WDR62: variants seen among roughly 807,000 people sequenced by gnomAD.
WDR62 encodes WD repeat domain 62.
WDR62 carries 112 observed loss-of-function variants against 160.6 expected under a neutral mutation model. The observed-to-expected ratio is 0.70, with a 90% CI of 0.60 to 0.82. The LOEUF is 0.82. Among genes scored for constraint, WDR62 ranks in the 40% least tolerant of loss-of-function variants. The pLI is 0.00. For missense variants in WDR62, 1,819 were observed against 1,983.8 expected (o/e 0.92, Z 1.58); for synonymous variants, 792 against 815.1 (o/e 0.97, Z 0.48).
Position 36,104,773 on chromosome 19 carries a change from CT to C in WDR62, c.4318del (p.Ser1440ProfsTer97). On this transcript the variant is annotated frameshift_variant, in exon 32 of 32. Coordinates refer to ENST00000401500, the MANE Select transcript of WDR62 (RefSeq NM_001083961.2). LOFTEE classifies it low-confidence loss of function (END_TRUNC). ...EALDLYRVLV[S>X]SGQVDTGQQQ... ...AAGGCTGGCATCCCTTGCAGTTGGT[CT>C]CCAGTGGCCAGGTGGACACCGGGCA... 6.2e-7 allele frequency: 1 copy of C among 1,613,730 alleles called. No individual in the cohort carries two copies. Among genetic ancestry groups the C allele is most frequent in the Non-Finnish European group, 8.5e-7 (1 of 1,180,032 alleles).
At chr19:36,069,194 C>T (rs1446323076) in intron 7 of WDR62, among the ~76,000 whole-genome samples, 3 of 146,014 alleles carry the variant, frequency 2.1e-5, no homozygotes, top group Admixed American at 6.6e-5. Flanking sequence ...CCCTCCGGGA[C>T]GGGGCGGCTG....
downstream of WDR62, among the ~76,000 whole-genome samples, chr19:36,109,276 G>A (rs1973764038): frequency 6.6e-6 from 1 of 152,156 alleles, no homozygotes; most frequent in East Asian, 1.9e-4. Flanking sequence ...CCGTAGCCTG[G>A]ATCAGGAGCC....
Position 36,103,797 on chromosome 19 carries a change from A to C in WDR62, c.3969A>C (p.Ala1323=). 3.7e-6 allele frequency: 6 copies of C among 1,609,362 alleles called. No individual in the cohort carries two copies. Among genetic ancestry groups the C allele is most frequent in the Non-Finnish European group, 5.1e-6 (6 of 1,179,536 alleles). The stretch of plus-strand genomic sequence containing the variant: ...CCCAGCCTGGCGTCACCGTCCCTGC[A>C]GTGAGCTTCCCAGCCCCTAGCCCTG... ...VDTQPGVTVP[A]VSFPAPSPVE... Residue 1323 remains alanine (A), a synonymous_variant, in exon 30 of 32, where the codon GCA becomes GCC. Transcript: ENST00000401500.
chr19:36,068,372 T>A (rs898949360), intron 7 of WDR62, among the ~76,000 whole-genome samples: 3 of 152,346 alleles, frequency 2.0e-5, no homozygotes, highest in African/African-American at 4.8e-5. Flanking sequence ...TAATTTATTT[T>A]TTTTTATTGA....
At chr19:36,076,557 CAA>C (rs889230931) in intron 9 of WDR62, among the ~76,000 whole-genome samples, 36 of 108,194 alleles carry the variant, frequency 3.3e-4, no homozygotes, top group Admixed American at 4.0e-4. Flanking sequence ...GATCCTATCT[CAA>C]AAAAAAAAAA....
At chr19:36,067,494 G>C (rs773043756) in intron 6 of WDR62, 51 bp downstream of exon 6, 1 of 1,612,142 alleles carries the variant, frequency 6.2e-7, no homozygotes, top group Non-Finnish European at 8.5e-7. Context: ...AGTCACCATC[G>C]GTGGCAGCAT....
rs765001215 is a variant in WDR62, at chr19:36,104,660, C to T, written c.4296C>T (p.Leu1432=). ...HRLQTTFQEA[L]DLYRVLVSSG... ...TGCAGACCACCTTCCAAGAAGCCCT[C>T]GACCTTTACCGTGTGGTGAGCTAAG... is the stretch of plus-strand genomic sequence containing the variant. Residue 1432 remains leucine (L), a synonymous_variant, in exon 31 of 32, where the codon CTC becomes CTT. Coordinates refer to ENST00000401500, the MANE Select transcript of WDR62 (RefSeq NM_001083961.2). The T allele has an allele frequency of 6.1e-5, 99 of 1,614,082 alleles. No homozygotes were observed. In the East Asian group the frequency reaches 1.2e-3, roughly 20 times the overall value.
At chr19:36,105,255 C>T (rs1232200862), downstream of WDR62, 3 of 617,240 alleles carry the variant, frequency 4.9e-6, no homozygotes, top group Non-Finnish European at 8.5e-6. Flanking sequence ...GAACTGCAGC[C>T]ATGACCTCAG....
In WDR62 at chr19:36,103,250, C is replaced by T. The variant is rs370182818; in HGVS notation, c.3514+43C>T. 5.3e-5 allele frequency: 85 copies of T among 1,611,872 alleles called. No homozygotes were observed. Among genetic ancestry groups the T allele is most frequent in the East Asian group, 3.6e-4 (16 of 44,894 alleles). ...AGACGGACAGTCCTGGGTTTCTCGG[C>T]GAGTGGCCGGATGTCCAGCCTAGCT... On this transcript the variant is annotated intron_variant, in intron 29 of 31. Transcript: ENST00000401500.
At chr19:36,089,830 G>A (rs917792358) in intron 15 of WDR62, among the ~76,000 whole-genome samples, 3 of 152,216 alleles carry the variant, frequency 2.0e-5, no homozygotes, top group African/African-American at 4.8e-5. Flanking sequence ...CCCTAGAGCC[G>A]GTGTGGGATG....
downstream of WDR62, among the ~76,000 whole-genome samples, chr19:36,108,871 A>C (rs2145896923): frequency 6.6e-6 from 1 of 151,984 alleles, no homozygotes; most frequent in African/African-American, 2.4e-5. Flanking sequence ...AAAAAAAAAA[A>C]AAACCTTCCT....
In WDR62 at chr19:36,101,814, GC is replaced by G. The variant is rs534420007; in HGVS notation, c.3082+42del. On this transcript the variant is annotated intron_variant, in intron 25 of 31. Coordinates refer to ENST00000401500, the MANE Select transcript of WDR62 (RefSeq NM_001083961.2). ...GACACGCAGGGGACTCGCTGCTCGGGCCTGGCTTAGGGCCAGTCACAATGTC... is the reference window on the plus strand; with the variant it reads ...GACACGCAGGGGACTCGCTGCTCGGGCTGGCTTAGGGCCAGTCACAATGTC... 64 of 1,532,132 alleles carry G rather than the reference GC, an allele frequency of 4.2e-5. No homozygotes were observed. The South Asian group carries it at 7.2e-4, about 17-fold the overall frequency. 94.9% of individuals were successfully genotyped at this position (1,532,132 alleles called of 1,614,324 possible). A position where few individuals can be genotyped will look rare whatever the true frequency, so the allele number is the denominator to read the frequency against.
In WDR62 at chr19:36,056,812, C is replaced by CT. The variant is rs1005571081; in HGVS notation, c.177+1679dup. The stretch of plus-strand genomic sequence containing the variant: ...GGTTATGAACTTCGCTTTTTCTTTT[C>CT]TTTTTTTTTTTTTTTGAGATGGGGT... On this transcript the variant is annotated intron_variant, in intron 1 of 31. Transcript: ENST00000401500. 7.8e-3 allele frequency among the ~76,000 whole-genome samples: 1,092 copies of CT among 139,826 alleles called. 4 individuals carry two copies. The highest frequency in any genetic ancestry group is 8.7e-3 in the African/African-American group (333 of 38,444). The allele number at this position is 139,826 out of a possible 152,430, so 91.7% of individuals were successfully genotyped here. A position where few individuals can be genotyped will look rare whatever the true frequency, so the allele number is the denominator to read the frequency against.
chr19:36,097,788 G>C (rs1973063122), intron 21 of WDR62, among the ~76,000 whole-genome samples: 1 of 152,110 alleles, frequency 6.6e-6, no homozygotes, highest in Non-Finnish European at 1.5e-5. Context: ...GGAGGCTGAA[G>C]TGGGAGGATT....
intron 3 of WDR62, chr19:36,062,013 C>G (rs1163394655): frequency 2.0e-5 from 3 of 151,546 alleles, no homozygotes. Flanking sequence ...GTGGCACAGT[C>G]TCAGCTCACT....
chr19:36,062,403 G>A (rs185921031), intron 3 of WDR62: 78 of 152,072 alleles, frequency 5.1e-4, no homozygotes, highest in Admixed American at 4.7e-3. Context: ...TCTCAGCACT[G>A]TGGGAGGCCT....
At chr19:36,075,858 G>A (rs1355704404) in intron 9 of WDR62, 3 of 152,162 alleles carry the variant, frequency 2.0e-5, no homozygotes, top group Non-Finnish European at 4.4e-5. Context: ...CTTACGTGAA[G>A]AGATATTTGC....
At chr19:36,111,070 C>A in the WDR62 span, 1 of 859,592 alleles carries the variant, frequency 1.2e-6, no homozygotes, top group Non-Finnish European at 1.7e-6. Context: ...CAGGGCCAGC[C>A]AGGAAATTTG....
At chr19:36,090,935 G>GA (rs1475963219) in intron 16 of WDR62, among the ~76,000 whole-genome samples, 1 of 152,252 alleles carries the variant, frequency 6.6e-6, no homozygotes, top group Non-Finnish European at 1.5e-5. Context: ...ATCATCTCTT[G>GA]AAATGCACAC....
Sources: allele counts gnomAD v4.1 joint callset (sites outside exome capture counted in the v4.1 genomes callset), GRCh38; gene constraint gnomAD v4.1.1; transcripts MANE v1.5; gene names NCBI Gene and HGNC (gene_info 2026-07-23, HGNC 2026-07-21).